The following DENND2B variants were observed in gnomAD, a reference collection of about 807,000 sequenced individuals.
DENND2B encodes the protein DENN domain containing 2B.
Under a neutral mutation model 116.0 loss-of-function variants are expected in DENND2B, and 32 were observed. The ratio of observed to expected loss-of-function variants is 0.28; its 90% confidence interval spans 0.21 to 0.37. The LOEUF (loss-of-function observed/expected upper bound fraction) is 0.37, where lower values mean the gene tolerates loss of function less well. Ranked by LOEUF, DENND2B falls within the 10% of genes least tolerant of loss-of-function variation. DENND2B has a pLI of 1.00. For missense variants in DENND2B, 1,276 were observed against 1,477.7 expected, an observed-to-expected ratio of 0.86 and a Z score of 2.24; for synonymous variants, 588 against 583.9, an observed-to-expected ratio of 1.01 and a Z score of -0.10.
chr11:8,780,754 CA>C (rs1302442272), intron 1 of DENND2B, among the ~76,000 whole-genome samples: 1 of 152,154 alleles, frequency 6.6e-6, no homozygotes, highest in African/African-American at 2.4e-5. Context: ...AAGCAATACT[CA>C]GAGGTCTAGG....
chr11:8,909,442 A>AAGAAGG (rs1555224056), intron 1 of DENND2B, among the ~76,000 whole-genome samples: 1 of 59,846 alleles, frequency 1.7e-5, no homozygotes, highest in South Asian at 6.6e-4. Flanking sequence ...GAGGAGGAAG[A>AAGAAGG]AGGAGAAGGA....
intron 2 of DENND2B, among the ~76,000 whole-genome samples, chr11:8,733,610 T>TA (rs984452321): frequency 6.6e-6 from 1 of 152,196 alleles, no homozygotes; most frequent in Non-Finnish European, 1.5e-5. Flanking sequence ...GGCACTTTGA[T>TA]ATGTGGTTCC....
intron 1 of DENND2B, among the ~76,000 whole-genome samples, chr11:8,778,603 G>A (rs1164224942): frequency 6.6e-6 from 1 of 152,242 alleles, no homozygotes; most frequent in African/African-American, 2.4e-5. Flanking sequence ...GCTCAGGGAA[G>A]GGCTGGTAAA....
At chr11:8,697,228 T>C (rs1220029591) in intron 17 of DENND2B, among the ~76,000 whole-genome samples, 2 of 152,270 alleles carry the variant, frequency 1.3e-5, no homozygotes, top group Admixed American at 1.3e-4. Flanking sequence ...CTAAGTGATT[T>C]TTCTGGCTTC....
At chr11:8,888,466 A>G (rs572236419) in intron 1 of DENND2B, among the ~76,000 whole-genome samples, 269 of 152,358 alleles carry the variant, frequency 1.8e-3, no homozygotes, top group Non-Finnish European at 3.1e-3. Context: ...CTAAAACAAT[A>G]AAATTCTTAG....
chr11:8,779,824 A>G (rs1050485353), intron 1 of DENND2B, among the ~76,000 whole-genome samples: 24 of 151,898 alleles, frequency 1.6e-4, no homozygotes, highest in Admixed American at 1.5e-3. Flanking sequence ...CAAGGTTTCC[A>G]TTTTCTGTGC....
intron 7 of DENND2B, 55 bp downstream of exon 7, chr11:8,714,555 T>G: frequency 6.8e-7 from 1 of 1,476,614 alleles, no homozygotes; most frequent in Non-Finnish European, 9.4e-7. Context: ...GCCTCTCCCG[T>G]TCCTAATGCC....
Position 8,712,708 on chromosome 11 carries a change from T to A in DENND2B, c.2015A>T (p.Gln672Leu). The A allele has an allele frequency of 6.2e-7, 1 of 1,613,190 alleles. No individual in the cohort carries two copies. Among genetic ancestry groups the A allele is most frequent in the Non-Finnish European group, 8.5e-7 (1 of 1,179,792 alleles). Reference protein sequence around the residue: ...KAHTQRLVHIQSMLKRAPSYR... With the variant: ...KAHTQRLVHILSMLKRAPSYR... ...GCTGGGGGCGCGCTTCAGCATCGAC[T>A]GGATGTGGACCAGGCGCTGTGTGTG... The change falls in exon 9 of 20, where the codon CAG becomes CTG. Residue 672 changes from glutamine (Q) to leucine (L), a missense_variant. By Grantham distance (113) the Gln-to-Leu change is moderately radical (BLOSUM62 -2). Around this residue, in one of 2 missense-constraint regions of DENND2B, gnomAD observed 420 missense variants for 631.1 expected, o/e 0.67. Coordinates refer to ENST00000313726, the MANE Select transcript of DENND2B (RefSeq NM_213618.2). This position sits in a 1 kb window ranked among gnomAD's most constrained non-coding sequence, Gnocchi z 4.4.
intron 4 of DENND2B, among the ~76,000 whole-genome samples, chr11:8,817,755 G>A (rs965400838): frequency 5.9e-5 from 9 of 152,112 alleles, no homozygotes; most frequent in Admixed American, 6.5e-5. Context: ...GGTACTCACA[G>A]CTTGCTTCAG....
intron 13 of DENND2B, among the ~76,000 whole-genome samples, chr11:8,704,994 G>C (rs868649477): frequency 6.6e-6 from 1 of 152,078 alleles, no homozygotes; most frequent in Middle Eastern, 3.2e-3. Flanking sequence ...ATGAGCCACG[G>C]TGCCCGGTCT....
intron 1 of DENND2B, among the ~76,000 whole-genome samples, chr11:8,753,268 T>C (rs1203540699): frequency 1.3e-5 from 2 of 152,148 alleles, no homozygotes; most frequent in African/African-American, 4.8e-5. Flanking sequence ...TTTATTTCTA[T>C]ATACTAACAA....
Position 8,701,360 on chromosome 11 carries a change from A to C in DENND2B, c.2720+1212T>G, listed in dbSNP as rs7948286. 1.0e-3 allele frequency among the ~76,000 whole-genome samples: 6 copies of C among 5,850 alleles called. 1 individual carries two copies. The Admixed American group carries it at 0.011, about 11-fold the overall frequency. 3.8% of individuals were successfully genotyped at this position (5,850 alleles called of 152,430 possible). On this transcript the variant is annotated intron_variant, in intron 14 of 19. Coordinates refer to ENST00000313726, the MANE Select transcript of DENND2B (RefSeq NM_213618.2). ...GCCAGCTTCCGGGGGGGGGGGGGGG[A>C]GGGGCTACATGAATGACATGCCTGG...
intron 3 of DENND2B, among the ~76,000 whole-genome samples, chr11:8,849,690 G>A (rs182194952): frequency 4.7e-4 from 72 of 151,780 alleles, no homozygotes; most frequent in Non-Finnish European, 5.6e-4. Context: ...AGGTGTGGTG[G>A]CAGGCACCTG....
chr11:8,723,527 C>T, intron 4 of DENND2B, among the ~76,000 whole-genome samples: 1 of 152,264 alleles, frequency 6.6e-6, no homozygotes, highest in East Asian at 1.9e-4. Flanking sequence ...TCTGCCTACT[C>T]ACTCATTCGG....
chr11:8,768,570 T>A (rs756386087), intron 1 of DENND2B, among the ~76,000 whole-genome samples: 10 of 152,196 alleles, frequency 6.6e-5, no homozygotes, highest in Non-Finnish European at 1.0e-4. Context: ...ATGTGGTTTG[T>A]AAACTGGTCA....
intron 1 of DENND2B, among the ~76,000 whole-genome samples, chr11:8,891,425 A>T (rs1007705663): frequency 3.9e-5 from 6 of 152,252 alleles, no homozygotes; most frequent in Non-Finnish European, 8.8e-5. Flanking sequence ...TAAATGTGCC[A>T]ATTAAAAGAC....
chr11:8,771,523 T>C (rs1309375168), intron 1 of DENND2B, among the ~76,000 whole-genome samples: 1 of 65,160 alleles, frequency 1.5e-5, no homozygotes, highest in East Asian at 6.1e-4. Context: ...TATGTGTATA[T>C]ATATACAGAG....
At chr11:8,900,173 C>A (rs2064146739) in intron 1 of DENND2B, among the ~76,000 whole-genome samples, 1 of 152,042 alleles carries the variant, frequency 6.6e-6, no homozygotes, top group Non-Finnish European at 1.5e-5. Flanking sequence ...CGCCTATAAT[C>A]CCAACACTTT....
intron 11 of DENND2B, among the ~76,000 whole-genome samples, chr11:8,708,899 C>T (rs1053603160): frequency 3.5e-4 from 53 of 149,848 alleles, no homozygotes; most frequent in Admixed American, 4.7e-4. Flanking sequence ...TGCAGTGAGC[C>T]GAGATCACAC....
Sources: gnomAD v4.1 joint callset for allele counts (sites outside exome capture counted in the v4.1 genomes callset) on GRCh38, gnomAD v4.1.1 for gene constraint, gnomAD v4.1.1 regional missense constraint, Gnocchi (gnomAD v3.1) non-coding constraint, MANE v1.5 for transcripts, NCBI Gene and HGNC (gene_info 2026-07-23, HGNC 2026-07-21) for gene names.